The following FBXL17 variants were observed in gnomAD, a reference collection of about 807,000 sequenced individuals.
FBXL17 encodes F-box/LRR-repeat protein 17.
A neutral mutation model predicts 66.2 loss-of-function variants in FBXL17; 22 were observed. The ratio of observed to expected loss-of-function variants is 0.33; its 90% confidence interval spans 0.24 to 0.47. FBXL17 has a LOEUF of 0.47. FBXL17 is among the 20% of genes least tolerant of loss of function. The probability of loss-of-function intolerance (pLI) is 1.00; values close to 1 mark genes in which losing one functional copy is unlikely to be tolerated. For missense variants in FBXL17, 878 were observed against 948.2 expected, an observed-to-expected ratio of 0.93 and a Z score of 0.97; for synonymous variants, 474 against 400.5, an observed-to-expected ratio of 1.18 and a Z score of -2.19.
intron 7 of FBXL17, among the ~76,000 whole-genome samples, chr5:107,979,064 A>G (rs1752701921): frequency 6.6e-6 from 1 of 152,228 alleles, no homozygotes; most frequent in Non-Finnish European, 1.5e-5. Context: ...TCTTGTGAAG[A>G]TTAAAAGAGA....
At chr5:108,148,259 G>T (rs1561433964) in intron 6 of FBXL17, among the ~76,000 whole-genome samples, 2 of 151,862 alleles carry the variant, frequency 1.3e-5, no homozygotes, top group Non-Finnish European at 2.9e-5. Context: ...TAAAATATCA[G>T]ATAATAAGAG....
chr5:108,360,288 T>C (rs558015543), intron 3 of FBXL17, among the ~76,000 whole-genome samples: 1 of 152,262 alleles, frequency 6.6e-6, no homozygotes, highest in Admixed American at 6.5e-5. Context: ...AACAAACTCC[T>C]TTAGCTTTTG....
intron 4 of FBXL17, among the ~76,000 whole-genome samples, chr5:108,348,030 A>G (rs2112473431): frequency 6.6e-6 from 1 of 152,344 alleles, no homozygotes; most frequent in Middle Eastern, 3.4e-3. Flanking sequence ...CAATAAAAAA[A>G]ATTCTAACTG....
At chr5:108,027,400 T>C (rs1754864916) in intron 6 of FBXL17, among the ~76,000 whole-genome samples, 1 of 152,182 alleles carries the variant, frequency 6.6e-6, no homozygotes, top group Non-Finnish European at 1.5e-5. Flanking sequence ...TTTTAGCCAT[T>C]GATCCATCCA....
At position 108,381,763 on chromosome 5, in the gene FBXL17, G is replaced by T. The variant is rs192040712; in HGVS notation, c.-72C>A. 23,624 of 1,371,340 alleles carry T rather than the reference G, an allele frequency of 0.017. 234 individuals are homozygous for T. Among genetic ancestry groups the T allele is most frequent in the East Asian group, 0.022 (709 of 32,322 alleles). The allele number at this position is 1,371,340 out of a possible 1,614,324, so 84.9% of individuals were successfully genotyped here. ...CAGAGAGGCGGGCTCCCGGCAGCGG[G>T]GCAGGCCGCTCGCTGGCTCGGCCCC... is the stretch of plus-strand genomic sequence containing the variant. On this transcript the variant is annotated 5_prime_UTR_variant, in exon 1 of 9. Transcript: ENST00000542267.
At chr5:107,980,013 GAAAT>G (rs1271899745) in intron 7 of FBXL17, among the ~76,000 whole-genome samples, 2 of 152,108 alleles carry the variant, frequency 1.3e-5, no homozygotes, top group African/African-American at 4.8e-5. Flanking sequence ...GTTGGTGAAA[GAAAT>G]AGTCATTTAT....
chr5:108,347,262 A>T (rs1051010071), intron 4 of FBXL17, among the ~76,000 whole-genome samples: 15 of 152,176 alleles, frequency 9.9e-5, no homozygotes, highest in Admixed American at 3.9e-4. Context: ...ACTGTAATAC[A>T]ATGGTATTTC....
chr5:108,086,854 C>T (rs901778691), intron 6 of FBXL17, among the ~76,000 whole-genome samples: 1 of 152,084 alleles, frequency 6.6e-6, no homozygotes, highest in Non-Finnish European at 1.5e-5. Context: ...AGCTACCGCA[C>T]CCCGCCAGCT....
chr5:108,078,245 A>G (rs1197104529), intron 6 of FBXL17, among the ~76,000 whole-genome samples: 1 of 152,180 alleles, frequency 6.6e-6, no homozygotes, highest in Non-Finnish European at 1.5e-5. Context: ...TCAAGAAGAT[A>G]TGAGATGATA....
rs527924374 is a variant in FBXL17 at position 108,207,492 on chromosome 5, C to T, written c.1614+16629G>A. Among the ~76,000 whole-genome samples the T allele has an allele frequency of 3.3e-5, 5 of 152,236 alleles. No individual in the cohort carries two copies. In the East Asian group the frequency reaches 9.7e-4, roughly 29 times the overall value. On this transcript the variant is annotated intron_variant, in intron 5 of 8. Transcript: ENST00000542267. ...TATCCCTTCCCTAGCACCCCAGCCC[C>T]CAACAGGCCCCGGAGTGTGATGCTC...
intron 6 of FBXL17, among the ~76,000 whole-genome samples, chr5:108,172,973 A>AT (rs992819146): frequency 2.0e-4 from 31 of 151,544 alleles, no homozygotes; most frequent in African/African-American, 7.5e-4. Context: ...CTAATTTTGT[A>AT]TTTTTTTAGT....
intron 6 of FBXL17, among the ~76,000 whole-genome samples, chr5:108,037,484 C>T (rs1284036274): frequency 2.0e-5 from 3 of 152,162 alleles, no homozygotes; most frequent in African/African-American, 4.8e-5. Context: ...TATTAATACT[C>T]TTAACATTTA....
At chr5:107,946,889 C>T (rs1335879391) in intron 7 of FBXL17, among the ~76,000 whole-genome samples, 1 of 152,034 alleles carries the variant, frequency 6.6e-6, no homozygotes, top group Non-Finnish European at 1.5e-5. Context: ...GGAATGGGTA[C>T]TGGGTAGCGC....
intron 4 of FBXL17, chr5:108,298,081 C>A: frequency 2.1e-6 from 2 of 972,278 alleles, no homozygotes; most frequent in Non-Finnish European, 1.2e-6. Flanking sequence ...CCACAAATAC[C>A]CATGTAGGGC....
intron 7 of FBXL17, among the ~76,000 whole-genome samples, chr5:107,929,542 A>G (rs922841364): frequency 2.0e-5 from 3 of 152,316 alleles, no homozygotes; most frequent in African/African-American, 7.2e-5. Flanking sequence ...TCTGGTATTG[A>G]GAGTTTCTAA....
intron 6 of FBXL17, among the ~76,000 whole-genome samples, chr5:108,153,385 C>T (rs966324225): frequency 6.6e-6 from 1 of 152,130 alleles, no homozygotes; most frequent in Non-Finnish European, 1.5e-5. Flanking sequence ...AACCAACTAG[C>T]AGGATAACAC....
intron 6 of FBXL17, among the ~76,000 whole-genome samples, chr5:108,074,122 C>A (rs762033143): frequency 6.6e-6 from 1 of 152,186 alleles, no homozygotes; most frequent in Non-Finnish European, 1.5e-5. Flanking sequence ...CTGTACCCCA[C>A]TGGGGGACTG....
chr5:108,138,157 A>AC (rs1751215823), intron 6 of FBXL17, among the ~76,000 whole-genome samples: 1 of 152,174 alleles, frequency 6.6e-6, no homozygotes, highest in South Asian at 2.1e-4. Context: ...TTTAAAACAT[A>AC]CCCTAGCTAA....
At chr5:108,236,479 C>T (rs577569430) in intron 4 of FBXL17, among the ~76,000 whole-genome samples, 1 of 151,922 alleles carries the variant, frequency 6.6e-6, no homozygotes, top group South Asian at 2.1e-4. Context: ...CGCTATTGCC[C>T]TCCAGCCTGG....
Sources: allele counts gnomAD v4.1 joint callset (sites outside exome capture counted in the v4.1 genomes callset), GRCh38; gene constraint gnomAD v4.1.1; transcripts MANE v1.5; gene names NCBI Gene and HGNC (gene_info 2026-07-23, HGNC 2026-07-21).